The following GALNTL6 variants were observed in gnomAD, a reference collection of about 807,000 sequenced individuals.
GALNTL6 encodes the protein polypeptide N-acetylgalactosaminyltransferase like 6.
Under a neutral mutation model 73.7 loss-of-function variants are expected in GALNTL6, and 46 were observed. The ratio of observed to expected loss-of-function variants is 0.62; its 90% CI spans 0.49 to 0.80. The LOEUF (loss-of-function observed/expected upper bound fraction) is 0.80. Among genes scored for constraint, GALNTL6 ranks in the 30% least tolerant of loss-of-function variants. The pLI is 0.00. For missense variants in GALNTL6, 604 were observed against 755.0 expected (o/e 0.80, Z 2.34); for synonymous variants, 259 against 263.7 (o/e 0.98, Z 0.17).
intron 5 of GALNTL6, among the ~76,000 whole-genome samples, chr4:172,487,088 A>G (rs1733694523): frequency 1.3e-5 from 2 of 152,220 alleles, no homozygotes; most frequent in South Asian, 4.1e-4. Context: ...ATCTGGGCTA[A>G]GTAATAAATT....
At chr4:172,035,411 A>G (rs1741902899) in intron 2 of GALNTL6, among the ~76,000 whole-genome samples, 1 of 152,148 alleles carries the variant, frequency 6.6e-6, no homozygotes, top group Non-Finnish European at 1.5e-5. Flanking sequence ...GCCTAGGAAT[A>G]TTCCTGGCCT....
chr4:172,962,601 G>C (rs1329036897), intron 10 of GALNTL6, among the ~76,000 whole-genome samples: 1 of 152,026 alleles, frequency 6.6e-6, no homozygotes, highest in East Asian at 1.9e-4. Context: ...AAGCATTTAT[G>C]GGAAGGAACC....
intron 2 of GALNTL6, among the ~76,000 whole-genome samples, chr4:171,893,641 C>T (rs1027533290): frequency 9.3e-4 from 141 of 151,952 alleles, no homozygotes; most frequent in African/African-American, 3.2e-3. Context: ...GTTGGGATCC[C>T]CTTAATTGAA....
intron 5 of GALNTL6, among the ~76,000 whole-genome samples, chr4:172,430,838 A>G (rs1177414964): frequency 2.6e-5 from 4 of 152,244 alleles, no homozygotes; most frequent in African/African-American, 9.6e-5. Context: ...TAGCAATAAA[A>G]GAATAGGGAA....
intron 2 of GALNTL6, among the ~76,000 whole-genome samples, chr4:172,012,895 A>T (rs1741064120): frequency 6.6e-6 from 1 of 152,100 alleles, no homozygotes; most frequent in African/African-American, 2.4e-5. Flanking sequence ...TGCCACAATC[A>T]TTACAAAGGA....
intron 5 of GALNTL6, among the ~76,000 whole-genome samples, chr4:172,789,636 G>C (rs748367486): frequency 2.0e-5 from 3 of 152,126 alleles, no homozygotes; most frequent in Non-Finnish European, 4.4e-5. Context: ...ACTCTCCAGG[G>C]ACCTCCATGT....
intron 5 of GALNTL6, among the ~76,000 whole-genome samples, chr4:172,805,296 A>G (rs561788019): frequency 3.7e-4 from 56 of 152,336 alleles, no homozygotes; most frequent in South Asian, 1.9e-3. Context: ...GTTATTCTCC[A>G]TATAAATTTA....
intron 2 of GALNTL6, among the ~76,000 whole-genome samples, chr4:172,209,534 C>T (rs989174412): frequency 1.1e-4 from 16 of 151,490 alleles, no homozygotes; most frequent in Admixed American, 2.6e-4. Flanking sequence ...TTTATTGAAT[C>T]GTAACAAGTA....
intron 2 of GALNTL6, among the ~76,000 whole-genome samples, chr4:172,126,375 C>T (rs1350068973): frequency 2.0e-5 from 3 of 152,236 alleles, no homozygotes; most frequent in East Asian, 3.9e-4. Flanking sequence ...TACAGGCATC[C>T]GGTACTTGCC....
chr4:173,032,071 AG>A (rs1753483935), intron 12 of GALNTL6, among the ~76,000 whole-genome samples: 1 of 152,264 alleles, frequency 6.6e-6, no homozygotes, highest in African/African-American at 2.4e-5. Flanking sequence ...TTCTCAGAAC[AG>A]AAAGAAGCCA....
chr4:171,903,789 G>T (rs1490016864), intron 2 of GALNTL6, among the ~76,000 whole-genome samples: 1 of 152,036 alleles, frequency 6.6e-6, no homozygotes, highest in Non-Finnish European at 1.5e-5. Flanking sequence ...GCACGCAGCT[G>T]GAGATCTGAG....
chr4:172,983,457 G>T (rs1398109812), intron 10 of GALNTL6, among the ~76,000 whole-genome samples: 1 of 152,220 alleles, frequency 6.6e-6, no homozygotes, highest in Non-Finnish European at 1.5e-5. Context: ...CACTTTGGGA[G>T]GCCAAGGCAG....
chr4:172,291,040 CA>C (rs1348792274), intron 3 of GALNTL6, among the ~76,000 whole-genome samples: 2 of 151,688 alleles, frequency 1.3e-5, no homozygotes, highest in African/African-American at 4.8e-5. Flanking sequence ...CCAATACCCC[CA>C]CAAAAAAAGG....
At chr4:171,966,129 A>G (rs78479805) in intron 2 of GALNTL6, among the ~76,000 whole-genome samples, 9,323 of 152,210 alleles carry the variant, frequency 0.061, 873 homozygotes, top group African/African-American at 0.19. Flanking sequence ...CACCACCACC[A>G]CACCTTTCAT....
At chr4:172,670,359 T>C (rs2111202692) in intron 5 of GALNTL6, among the ~76,000 whole-genome samples, 1 of 152,272 alleles carries the variant, frequency 6.6e-6, no homozygotes, top group South Asian at 2.1e-4. Context: ...TGGTGTGAGA[T>C]GGTATCTAAT....
chr4:172,961,529 C>T (rs372475193), intron 10 of GALNTL6, among the ~76,000 whole-genome samples: 1 of 152,184 alleles, frequency 6.6e-6, no homozygotes, highest in East Asian at 1.9e-4. Context: ...CAGGCATCCC[C>T]ACGTGATTAC....
At chr4:173,030,330 A>C (rs555637579) in intron 12 of GALNTL6, among the ~76,000 whole-genome samples, 1 of 152,134 alleles carries the variant, frequency 6.6e-6, no homozygotes, top group Non-Finnish European at 1.5e-5. Flanking sequence ...TGTATGTCTA[A>C]CCCAGCTGAA....
chr4:172,537,089 C>A (rs965082677), intron 5 of GALNTL6, among the ~76,000 whole-genome samples: 1 of 152,100 alleles, frequency 6.6e-6, no homozygotes, highest in African/African-American at 2.4e-5. Flanking sequence ...GTTTTACAGG[C>A]TAATAGGTGG....
intron 2 of GALNTL6, among the ~76,000 whole-genome samples, chr4:171,922,461 T>A (rs1578974845): frequency 6.6e-6 from 1 of 152,224 alleles, no homozygotes; most frequent in East Asian, 1.9e-4. Context: ...CTGGTACTAA[T>A]AAGAACATTA....
Sources: gnomAD v4.1 joint callset for allele counts (sites outside exome capture counted in the v4.1 genomes callset) on GRCh38, gnomAD v4.1.1 for gene constraint, MANE v1.5 for transcripts, NCBI Gene and HGNC (gene_info 2026-07-23, HGNC 2026-07-21) for gene names.